The following ASXL1 variants were observed in gnomAD, a reference collection of about 807,000 sequenced individuals.
The protein encoded by ASXL1 is ASXL transcriptional regulator 1, also known as polycomb group protein ASXL1.
In ASXL1, 65 loss-of-function variants were observed where a neutral mutation model predicts 89.1. That is an observed-to-expected ratio of 0.73 (90% CI 0.60 to 0.90). The LOEUF (loss-of-function observed/expected upper bound fraction) is 0.90. Ranked by LOEUF, ASXL1 falls within the 40% of genes least tolerant of loss-of-function variation. The probability of loss-of-function intolerance (pLI) is 0.00; values close to 1 mark genes in which losing one functional copy is unlikely to be tolerated. For missense variants in ASXL1, 1,786 were observed against 1,942.9 expected, an observed-to-expected ratio of 0.92 and a Z score of 1.52; for synonymous variants, 739 against 746.9, an observed-to-expected ratio of 0.99 and a Z score of 0.17.
rs913768599 is a variant in ASXL1 at position 32,428,243 on chromosome 20, A to G, written c.368A>G (p.Asn123Ser). The G allele has an allele frequency of 2.5e-6, 4 of 1,614,058 alleles. No individual in the cohort carries two copies. The highest frequency in any genetic ancestry group is 3.4e-6 in the Non-Finnish European group (4 of 1,180,038). ...GAAGCCAGCACTGTGAGTGGTGAAA[A>G]CGATGGTAAGGACCCTTTAATGGAT... ...SNEASTVSGE[N>S]DVSLDETSSN... The change falls in exon 5 of 13, where the codon AAC (asparagine) becomes AGC (serine). Residue 123 changes from asparagine to serine, a missense_variant. Transcript: ENST00000375687.
At chr20:32,431,124 A>G (rs1411741312) in intron 8 of ASXL1, 197 bp from the exon 9 acceptor site, 2 of 733,928 alleles carry the variant, frequency 2.7e-6, no homozygotes, top group Non-Finnish European at 4.8e-6. Context: ...ATGCAACCCC[A>G]AGTGTTCTCC....
rs1445197927 is a variant in ASXL1 at position 32,372,203 on chromosome 20, A to G, written c.252+3080A>G. 3.7e-6 allele frequency: 5 copies of G among 1,346,212 alleles called. No individual in the cohort carries two copies. In the South Asian group the frequency reaches 6.5e-5, roughly 17 times the overall value. 83.4% of individuals were successfully genotyped at this position (1,346,212 alleles called of 1,614,324 possible). A position where few individuals can be genotyped will look rare whatever the true frequency, so the allele number is the denominator to read the frequency against. On this transcript the variant is annotated intron_variant, in intron 4 of 12. Transcript: ENST00000375687. ...ACCAGGCCCCTTCATCTTAATTTTA[A>G]TATATCTTTGAATAAACACCATTGT...
Position 32,431,480 on chromosome 20 carries a change from G to C in ASXL1, c.878G>C (p.Arg293Thr). 1 of 1,614,118 alleles carries C rather than the reference G, an allele frequency of 6.2e-7. No individual in the cohort carries two copies. The highest frequency in any genetic ancestry group is 8.5e-7 in the Non-Finnish European group (1 of 1,180,022). The change falls in exon 9 of 13, where the codon AGA becomes ACA. Residue 293 changes from arginine to threonine, a missense_variant. Arg to Thr is a moderately conservative substitution (Grantham distance 71). Around this residue, in one of 3 missense-constraint regions of ASXL1, gnomAD observed 332 missense variants for 449.7 expected, o/e 0.74. Transcript: ENST00000375687. ...QLLFLLPEVD[R>T]QVGTDGLLRL... ...CTCTTCCTCCTGCCTGAAGTAGACA[G>C]ACAGGTGCACATGGGCAGCCTCCCC... is the stretch of plus-strand genomic sequence containing the variant.
intron 10 of ASXL1, chr20:32,432,239 A>G (rs76272725): frequency 0.023 from 4,050 of 177,120 alleles, 177 homozygotes; most frequent in African/African-American, 0.092. Context: ...TCCAGGGGAA[A>G]CCATGTGTTG....
chr20:32,401,808 A>T (rs1382567576), intron 4 of ASXL1, among the ~76,000 whole-genome samples: 1 of 152,098 alleles, frequency 6.6e-6, no homozygotes, highest in Non-Finnish European at 1.5e-5. Flanking sequence ...CACCCACCTT[A>T]GCCTCCCAAA....
chr20:32,391,055 T>A (rs73243261), intron 4 of ASXL1, among the ~76,000 whole-genome samples: 2 of 145,636 alleles, frequency 1.4e-5, no homozygotes, highest in South Asian at 2.1e-4. Context: ...GTTCAGCTAA[T>A]TTTTTTTTTT....
intron 1 of ASXL1, among the ~76,000 whole-genome samples, chr20:32,363,427 T>C (rs926736275): frequency 1.3e-5 from 2 of 152,130 alleles, no homozygotes; most frequent in African/African-American, 4.8e-5. Flanking sequence ...AATACAGAGG[T>C]GGATAAGGTT....
At chr20:32,432,110 C>T (rs1430968486) in intron 10 of ASXL1, among the ~76,000 whole-genome samples, 2 of 152,028 alleles carry the variant, frequency 1.3e-5, no homozygotes, top group Non-Finnish European at 2.9e-5. Flanking sequence ...TAAGAACACC[C>T]CTAGGTTTGA....
rs117332282 is a variant in ASXL1, at chr20:32,428,996, T to C, written c.472-342T>C. Reference sequence around the variant, plus strand: ...CATTCTTGTAATATACACGTGAACATTCAGGGAGAAGTGTGGTTAGTGCAG... The same window carrying C: ...CATTCTTGTAATATACACGTGAACACTCAGGGAGAAGTGTGGTTAGTGCAG... On this transcript the variant is annotated intron_variant, in intron 6 of 12. Transcript: ENST00000375687. 1,205 of 369,458 alleles carry C rather than the reference T, an allele frequency of 3.3e-3. 14 individuals are homozygous for C. Among genetic ancestry groups the C allele is most frequent in the East Asian group, 0.023 (348 of 15,144 alleles). The allele number at this position is 369,458 out of a possible 1,614,324, so 22.9% of individuals were successfully genotyped here.
chr20:32,405,471 T>C (rs2048939564), intron 4 of ASXL1, among the ~76,000 whole-genome samples: 1 of 152,168 alleles, frequency 6.6e-6, no homozygotes, highest in African/African-American at 2.4e-5. Flanking sequence ...ATTCATAAAA[T>C]TCAGAAAATT....
intron 4 of ASXL1, among the ~76,000 whole-genome samples, chr20:32,384,082 T>G (rs914989392): frequency 9.2e-5 from 14 of 152,182 alleles, no homozygotes; most frequent in African/African-American, 3.1e-4. Flanking sequence ...TGGTATTTAC[T>G]GGAGGCTGCC....
intron 4 of ASXL1, among the ~76,000 whole-genome samples, chr20:32,416,863 A>C (rs1054508175): frequency 6.6e-6 from 1 of 152,230 alleles, no homozygotes. Context: ...AGTTTTGAGA[A>C]ACATGCTTTG....
chr20:32,413,788 G>A (rs1312861227), intron 4 of ASXL1, among the ~76,000 whole-genome samples: 1 of 152,048 alleles, frequency 6.6e-6, no homozygotes, highest in Non-Finnish European at 1.5e-5. Flanking sequence ...ACTTTCTCCT[G>A]GTATGTCCTG....
Position 32,382,815 on chromosome 20 carries a change from AAATG to A in ASXL1, c.252+13697_252+13700del, listed in dbSNP as rs2048512385. On this transcript the variant is annotated intron_variant, in intron 4 of 12. Coordinates refer to ENST00000375687, the MANE Select transcript of ASXL1 (RefSeq NM_015338.6). ...AAAATGAATTTTTGCATTCATTTAA[AAATG>A]AATGGTAGCAACATTTTAGATAATA... Among the ~76,000 whole-genome samples, 8 of 152,136 alleles carry A rather than the reference AAATG, an allele frequency of 5.3e-5. No individual in the cohort carries two copies. The South Asian group carries it at 1.7e-3, about 32-fold the overall frequency.
chr20:32,369,507 C>G (rs956668528), intron 4 of ASXL1, among the ~76,000 whole-genome samples: 7 of 151,882 alleles, frequency 4.6e-5, no homozygotes, highest in African/African-American at 7.3e-5. Context: ...CTACCTCGGC[C>G]TCCCAAAGTG....
In ASXL1 at chr20:32,358,729, C is replaced by T. The variant is rs1256677465; in HGVS notation, c.-47C>T. On this transcript the variant is annotated 5_prime_UTR_variant, in exon 1 of 13. Coordinates refer to ENST00000375687, the MANE Select transcript of ASXL1 (RefSeq NM_015338.6). ...CCCCGCGCCACCGCCCCAGCCCGCC[C>T]AGCCCGGAGGTCCCGCGTGGAGCTG... is the stretch of plus-strand genomic sequence containing the variant. The T allele has an allele frequency of 2.0e-5, 25 of 1,246,026 alleles. No homozygotes were observed. The highest frequency in any genetic ancestry group is 6.7e-5 in the South Asian group (5 of 74,244). 77.2% of individuals were successfully genotyped at this position (1,246,026 alleles called of 1,614,324 possible).
intron 4 of ASXL1, among the ~76,000 whole-genome samples, chr20:32,394,499 TTA>T (rs1233637882): frequency 1.3e-5 from 2 of 152,164 alleles, no homozygotes; most frequent in African/African-American, 4.8e-5. Context: ...TAGTACTTTG[TTA>T]TTTTAGTGGC....
intron 1 of ASXL1, chr20:32,359,036 C>A (rs2048062674): frequency 3.3e-6 from 2 of 613,642 alleles, no homozygotes; most frequent in Non-Finnish European, 5.7e-6. Flanking sequence ...TTTCCGCTCG[C>A]CCTCGCGCCC....
intron 4 of ASXL1, among the ~76,000 whole-genome samples, chr20:32,383,863 G>A (rs982394830): frequency 2.6e-5 from 4 of 152,218 alleles, no homozygotes; most frequent in African/African-American, 9.6e-5. Context: ...TGAGGGCTCA[G>A]TTTCTCCATC....
Sources: allele counts gnomAD v4.1 joint callset (sites outside exome capture counted in the v4.1 genomes callset), GRCh38; gene constraint gnomAD v4.1.1; regional missense constraint gnomAD v4.1.1; transcripts MANE v1.5; gene names NCBI Gene and HGNC (gene_info 2026-07-23, HGNC 2026-07-21).